The following PLPBP variants were observed in gnomAD, a reference collection of about 807,000 sequenced individuals.
The protein encoded by PLPBP is pyridoxal phosphate homeostasis protein.
Under a neutral mutation model 31.2 loss-of-function variants are expected in PLPBP, and 21 were observed. That is an observed-to-expected ratio of 0.67 (90% CI 0.48 to 0.97). The LOEUF is 0.97. PLPBP is among the 50% of genes least tolerant of loss of function. PLPBP has a pLI of 0.00. For missense variants in PLPBP, 308 were observed against 354.4 expected (o/e 0.87, Z 1.05); for synonymous variants, 124 against 135.6 (o/e 0.91, Z 0.59).
intron 7 of PLPBP, among the ~76,000 whole-genome samples, chr8:37,777,583 T>G (rs1277135890): frequency 1.3e-5 from 2 of 151,748 alleles, no homozygotes; most frequent in East Asian, 1.9e-4. Context: ...TTTTTTTTTG[T>G]TTTTTTTGAG....
intron 1 of PLPBP, among the ~76,000 whole-genome samples, 164 bp downstream of exon 1, chr8:37,762,922 C>T (rs1803518662): frequency 6.6e-6 from 1 of 152,186 alleles, no homozygotes; most frequent in Non-Finnish European, 1.5e-5. Context: ...CCCCAGCCTC[C>T]TTACCTTGAG....
intron 4 of PLPBP, 48 bp downstream of exon 4, chr8:37,766,403 G>GT: frequency 6.4e-7 from 1 of 1,553,132 alleles, no homozygotes; most frequent in Non-Finnish European, 8.8e-7. Flanking sequence ...TCATTGTATT[G>GT]CTTCTACTAC....
intron 5 of PLPBP, among the ~76,000 whole-genome samples, chr8:37,773,529 C>A (rs1340877740): frequency 7.7e-6 from 1 of 129,834 alleles, no homozygotes; most frequent in African/African-American, 3.0e-5. Context: ...AGTGCAGTGG[C>A]ACGATCTCAG....
In PLPBP at chr8:37,765,755, A is replaced by G. The variant is rs760025625; in HGVS notation, c.243+9A>G. On this transcript the variant is annotated intron_variant, in intron 3 of 7. Coordinates refer to ENST00000328195, the MANE Select transcript of PLPBP (RefSeq NM_007198.4). ...AAGCATCAAATCCCAAAGTAAGTAG[A>G]TAGCTGAATTCTTTAATTTGTATCT... is the stretch of plus-strand genomic sequence containing the variant. The G allele has an allele frequency of 3.1e-5, 50 of 1,608,928 alleles. No homozygotes were observed. Among genetic ancestry groups the G allele is most frequent in the Middle Eastern group, 1.7e-4 (1 of 6,042 alleles).
At chr8:37,772,236 T>G (rs146369501) in intron 4 of PLPBP, among the ~76,000 whole-genome samples, 2,077 of 152,336 alleles carry the variant, frequency 0.014, 37 homozygotes, top group African/African-American at 0.048. Context: ...GTCAAACTCC[T>G]GACCTCAGGT....
chr8:37,767,807 T>TC, intron 4 of PLPBP, among the ~76,000 whole-genome samples: 1 of 140,120 alleles, frequency 7.1e-6, no homozygotes, highest in East Asian at 2.0e-4. Flanking sequence ...TACTTTTTTT[T>TC]TTTTTTTTTT....
At chr8:37,770,527 A>C (rs901828433) in intron 4 of PLPBP, among the ~76,000 whole-genome samples, 1 of 152,216 alleles carries the variant, frequency 6.6e-6, no homozygotes, top group African/African-American at 2.4e-5. Flanking sequence ...GAAACTACTA[A>C]AAGAAAACAT....
chr8:37,768,179 CTTA>C (rs1670590880), intron 4 of PLPBP, among the ~76,000 whole-genome samples: 1 of 152,120 alleles, frequency 6.6e-6, no homozygotes, highest in Non-Finnish European at 1.5e-5. Context: ...CTCTATTAAT[CTTA>C]TTATATGTCA....
At chr8:37,765,447 C>A in intron 1 of PLPBP, 79 bp from the exon 2 acceptor site, 2 of 1,350,204 alleles carry the variant, frequency 1.5e-6, no homozygotes, top group Non-Finnish European at 2.1e-6. Context: ...GCCTGTCTAT[C>A]CTACAGGATC....
chr8:37,766,961 C>T (rs1803645950), intron 4 of PLPBP, among the ~76,000 whole-genome samples: 1 of 147,250 alleles, frequency 6.8e-6, no homozygotes. Flanking sequence ...GCAGGAGAAT[C>T]GCATGAACCC....
Position 37,778,078 on chromosome 8 carries a change from C to CCGGGG in PLPBP, c.804_805insGGGCG (p.Leu269GlyfsTer23). 1 of 1,613,554 alleles carries CCGGGG rather than the reference C, an allele frequency of 6.2e-7. No individual in the cohort carries two copies. Among genetic ancestry groups the CCGGGG allele is most frequent in the Non-Finnish European group, 8.5e-7 (1 of 1,179,594 alleles). On this transcript the variant is annotated frameshift_variant, in exon 8 of 8. Transcript: ENST00000328195. LOFTEE classifies it high-confidence loss of function. ...CAAGTGCGCAGCAGACGTGAAGGCCCCGCTGGAGGTGGCACAGGAGCACTG... is the reference window on the plus strand; with the variant it reads ...CAAGTGCGCAGCAGACGTGAAGGCCCCGGGGCGCTGGAGGTGGCACAGGAGCACTG...
At chr8:37,766,583 T>C (rs1803634930) in intron 4 of PLPBP, 1 of 1,157,134 alleles carries the variant, frequency 8.6e-7, no homozygotes, top group Non-Finnish European at 1.1e-6. Context: ...CCCAACCTCA[T>C]GTTTATTATT....
Position 37,779,408 on chromosome 8 carries a change from G to A in PLPBP, c.*1304G>A, listed in dbSNP as rs1457483481. ...CAGGCATAGTTACAGCTTCCCCACT[G>A]TATTTACAAGCCAGAATTGTGCAAC... On this transcript the variant is annotated 3_prime_UTR_variant, in exon 8 of 8. Coordinates refer to ENST00000328195, the MANE Select transcript of PLPBP (RefSeq NM_007198.4). 6.6e-6 allele frequency: 1 copy of A among 152,130 alleles called. No homozygotes were observed. Among genetic ancestry groups the A allele is most frequent in the East Asian group, 1.9e-4 (1 of 5,192 alleles). 9.4% of individuals were successfully genotyped at this position (152,130 alleles called of 1,614,324 possible). A position where few individuals can be genotyped will look rare whatever the true frequency, so the allele number is the denominator to read the frequency against.
intron 1 of PLPBP, among the ~76,000 whole-genome samples, chr8:37,763,296 G>A (rs921999714): frequency 1.3e-5 from 2 of 152,204 alleles, no homozygotes; most frequent in Admixed American, 6.5e-5. Flanking sequence ...ATCCCAAGCC[G>A]GTTAAGGGGA....
chr8:37,777,373 G>T (rs1313001785), intron 7 of PLPBP, among the ~76,000 whole-genome samples: 2 of 152,116 alleles, frequency 1.3e-5, no homozygotes, highest in African/African-American at 4.8e-5. Context: ...TGTGCTGTGT[G>T]GCTGCGTCTC....
chr8:37,764,225 C>T (rs1000499558), intron 1 of PLPBP, among the ~76,000 whole-genome samples: 1 of 152,080 alleles, frequency 6.6e-6, no homozygotes, highest in Non-Finnish European at 1.5e-5. Flanking sequence ...GCCTCAGCCT[C>T]CTGAGTAGCT....
At chr8:37,771,720 G>T (rs746621100) in intron 4 of PLPBP, among the ~76,000 whole-genome samples, 2 of 152,152 alleles carry the variant, frequency 1.3e-5, no homozygotes, top group Non-Finnish European at 2.9e-5. Flanking sequence ...CCAGCACTTT[G>T]GGAGGCCAAG....
At chr8:37,775,133 C>G in intron 5 of PLPBP, 1 of 467,730 alleles carries the variant, frequency 2.1e-6, no homozygotes, top group Non-Finnish European at 3.7e-6. Context: ...ACTGATAGTT[C>G]TTTTCTTGAG....
intron 5 of PLPBP, among the ~76,000 whole-genome samples, chr8:37,773,753 G>A (rs1179384707): frequency 6.6e-6 from 1 of 152,068 alleles, no homozygotes; most frequent in Non-Finnish European, 1.5e-5. Context: ...AAAGACATGA[G>A]CCACTGCACC....
Sources: gnomAD v4.1 joint callset for allele counts (sites outside exome capture counted in the v4.1 genomes callset) on GRCh38, gnomAD v4.1.1 for gene constraint, MANE v1.5 for transcripts, NCBI Gene and HGNC (gene_info 2026-07-23, HGNC 2026-07-21) for gene names.